Variants in ADAMTS7 observed in about 807,000 individuals in gnomAD.
ADAMTS7 encodes ADAM metallopeptidase with thrombospondin type 1 motif 7.
A neutral mutation model predicts 172.6 loss-of-function variants in ADAMTS7; 89 were observed. The observed-to-expected ratio is 0.52, with a 90% confidence interval of 0.43 to 0.61. ADAMTS7 has a LOEUF of 0.61. Ranked by LOEUF, ADAMTS7 falls within the 20% of genes least tolerant of loss-of-function variation. The probability of loss-of-function intolerance (pLI) is 0.00; values close to 1 mark genes in which losing one functional copy is unlikely to be tolerated. For missense variants in ADAMTS7, 1,973 were observed against 2,355.6 expected (o/e 0.84, Z 3.36); for synonymous variants, 885 against 978.4 (o/e 0.90, Z 1.78).
At chr15:78,783,593 A>G (rs1258950646) in intron 8 of ADAMTS7, among the ~76,000 whole-genome samples, 2 of 152,204 alleles carry the variant, frequency 1.3e-5, no homozygotes, top group African/African-American at 4.8e-5. Context: ...AACTGTTAAC[A>G]TGAAACAAAT....
rs113370816 is a variant in ADAMTS7, at chr15:78,777,638, C to T, written c.1323-50G>A. ...GGGGGGCGCAGCCTGTGAGACCCAT[C>T]GGAGAAGCCTTGGTGGGGCCGGGAC... is the stretch of plus-strand genomic sequence containing the variant. On this transcript the variant is annotated intron_variant, in intron 8 of 23. Transcript: ENST00000388820. 695 of 1,569,284 alleles carry T rather than the reference C, an allele frequency of 4.4e-4. 7 individuals carry two copies. The East Asian group carries it at 0.013, about 29-fold the overall frequency.
intron 8 of ADAMTS7, among the ~76,000 whole-genome samples, chr15:78,779,677 C>T (rs1596187820): frequency 2.0e-5 from 3 of 152,116 alleles, no homozygotes; most frequent in South Asian, 2.1e-4. Context: ...CCCTCCTTCC[C>T]GCTAGCATTC....
chr15:78,794,981 C>T (rs1423473498), intron 4 of ADAMTS7, among the ~76,000 whole-genome samples: 1 of 152,200 alleles, frequency 6.6e-6, no homozygotes. Context: ...CCTCTCAAAG[C>T]GCTGGGATTA....
At chr15:78,779,189 A>T (rs981372670) in intron 8 of ADAMTS7, among the ~76,000 whole-genome samples, 1 of 152,144 alleles carries the variant, frequency 6.6e-6, no homozygotes, top group African/African-American at 2.4e-5. Flanking sequence ...CTGGAAACAG[A>T]TCCTCTAACA....
intron 8 of ADAMTS7, among the ~76,000 whole-genome samples, chr15:78,786,601 AG>A (rs2055505747): frequency 6.6e-6 from 1 of 152,200 alleles, no homozygotes; most frequent in South Asian, 2.1e-4. Context: ...AAGACACGGG[AG>A]GAAAGAGAAC....
chr15:78,785,836 A>G (rs546195414), intron 8 of ADAMTS7, among the ~76,000 whole-genome samples: 89 of 152,286 alleles, frequency 5.8e-4, no homozygotes, highest in Middle Eastern at 3.4e-3. Context: ...AAAGCTAACA[A>G]TGTTAAGTTT....
chr15:78,784,141 G>C lies in ADAMTS7; in HGVS notation c.1322+4090C>G, dbSNP rs568618290. ...CCCAGAACTTTGGGAAGCTGAGGGA[G>C]GAGTCCAGAAGTTCAAGCCCAGCCT... On this transcript the variant is annotated intron_variant, in intron 8 of 23. Coordinates refer to ENST00000388820, the MANE Select transcript of ADAMTS7 (RefSeq NM_014272.5). 4.6e-5 allele frequency among the ~76,000 whole-genome samples: 7 copies of C among 152,120 alleles called. No homozygotes were observed. In the South Asian group the frequency reaches 1.5e-3, roughly 32 times the overall value.
intron 13 of ADAMTS7, among the ~76,000 whole-genome samples, chr15:78,773,650 G>A (rs536456388): frequency 9.2e-5 from 14 of 152,154 alleles, no homozygotes; most frequent in Admixed American, 2.0e-4. Flanking sequence ...CAAGTAGGTC[G>A]CTGGGGACAT....
intron 23 of ADAMTS7, among the ~76,000 whole-genome samples, chr15:78,761,385 G>A (rs557020241): frequency 9.8e-5 from 15 of 152,338 alleles, no homozygotes; most frequent in African/African-American, 3.4e-4. Context: ...AGCTCTTCAC[G>A]CCACGGCTTC....
intron 13 of ADAMTS7, 129 bp from the exon 14 acceptor site, chr15:78,773,332 C>T (rs1446787255): frequency 1.2e-5 from 9 of 764,838 alleles, no homozygotes; most frequent in East Asian, 1.1e-4. Flanking sequence ...TCTGGCCCTG[C>T]CCCACCTCAG....
At chr15:78,795,582 G>C (rs1255432499) in intron 4 of ADAMTS7, among the ~76,000 whole-genome samples, 1 of 152,216 alleles carries the variant, frequency 6.6e-6, no homozygotes, top group Non-Finnish European at 1.5e-5. Flanking sequence ...CAGGAGGTGA[G>C]GGGCTGGCAG....
At position 78,773,157 on chromosome 15, in the gene ADAMTS7, C is replaced by A. The variant is rs760894429; in HGVS notation, c.2057G>T (p.Arg686Leu). ...GCCGTTGCCGTGGCACACACCACAG[C>A]GGTCCTCCATAGCACCGGAGTCAAT... ...FEIDSGAMED[R>L]CGVCHGNGST... is the part of the protein sequence containing the mutation. The change falls in exon 14 of 24, where the codon CGC becomes CTC. Residue 686 changes from arginine (R) to leucine (L), a missense_variant. Arg to Leu is a moderately radical substitution (Grantham distance 102). Transcript: ENST00000388820. The A allele has an allele frequency of 1.3e-6, 2 of 1,501,894 alleles. No individual in the cohort carries two copies. Among genetic ancestry groups the A allele is most frequent in the South Asian group, 2.4e-5 (2 of 83,948 alleles). 93.0% of individuals were successfully genotyped at this position (1,501,894 alleles called of 1,614,324 possible). A position where few individuals can be genotyped will look rare whatever the true frequency, so the allele number is the denominator to read the frequency against.
At chr15:78,779,711 G>A (rs977133494) in intron 8 of ADAMTS7, among the ~76,000 whole-genome samples, 2 of 152,136 alleles carry the variant, frequency 1.3e-5, no homozygotes, top group Non-Finnish European at 2.9e-5. Flanking sequence ...GGTAGACTGG[G>A]GGCTCACCCA....
intron 1 of ADAMTS7, among the ~76,000 whole-genome samples, chr15:78,807,851 A>C (rs1307350742): frequency 6.6e-6 from 1 of 151,438 alleles, no homozygotes; most frequent in Non-Finnish European, 1.5e-5. Context: ...AAAACAAAAA[A>C]CATGTTTTTA....
At chr15:78,784,446 A>G (rs2055475174) in intron 8 of ADAMTS7, among the ~76,000 whole-genome samples, 1 of 151,952 alleles carries the variant, frequency 6.6e-6, no homozygotes, top group South Asian at 2.1e-4. Context: ...TAGAAAAGAA[A>G]ATAAAATAGA....
At chr15:78,810,777 C>G (rs997361626) in intron 1 of ADAMTS7, 2 of 207,342 alleles carry the variant, frequency 9.6e-6, no homozygotes, top group Admixed American at 5.9e-5. Flanking sequence ...AACCGCGCTC[C>G]GTCCAGCCCA....
intron 1 of ADAMTS7, among the ~76,000 whole-genome samples, chr15:78,805,744 C>T (rs1360758751): frequency 6.6e-6 from 1 of 152,122 alleles, no homozygotes; most frequent in African/African-American, 2.4e-5. Flanking sequence ...GCACTAGGTG[C>T]TCCAAAGTCC....
At chr15:78,794,105 G>C (rs1410837271) in intron 4 of ADAMTS7, among the ~76,000 whole-genome samples, 1 of 152,190 alleles carries the variant, frequency 6.6e-6, no homozygotes, top group Non-Finnish European at 1.5e-5. Context: ...AAGGCATGGT[G>C]GGGCACGCTT....
chr15:78,771,205 C>A lies in ADAMTS7; in HGVS notation c.2475G>T (p.Trp825Cys). Residue 825 changes from tryptophan to cysteine, a missense_variant, in exon 16 of 24, where the codon TGG becomes TGT. Around this residue, in one of 8 missense-constraint regions of ADAMTS7, gnomAD observed 771 missense variants for 952.6 expected, o/e 0.81. Coordinates refer to ENST00000388820, the MANE Select transcript of ADAMTS7 (RefSeq NM_014272.5). The surrounding 1 kb of genome is among the most constrained non-coding windows in gnomAD (Gnocchi z 4.9). ...TGCACTTGGTCCAGGGCCCATAATG[C>A]CAGGAGAACACGGGCGGCGGGACCT... Reference protein sequence around the residue: ...HDEVPPPVFSWHYGPWTKCTV... With the variant: ...HDEVPPPVFSCHYGPWTKCTV... 6.2e-7 allele frequency: 1 copy of A among 1,611,760 alleles called. No individual in the cohort carries two copies. The highest frequency in any genetic ancestry group is 8.5e-7 in the Non-Finnish European group (1 of 1,179,554).
Sources: gnomAD v4.1 joint callset for allele counts (sites outside exome capture counted in the v4.1 genomes callset) on GRCh38, gnomAD v4.1.1 for gene constraint, gnomAD v4.1.1 regional missense constraint, Gnocchi (gnomAD v3.1) non-coding constraint, MANE v1.5 for transcripts, NCBI Gene and HGNC (gene_info 2026-07-23, HGNC 2026-07-21) for gene names.